Variants in FNDC3A observed in about 807,000 individuals in gnomAD.
The protein encoded by FNDC3A is fibronectin type III domain containing 3A, also known as fibronectin type-III domain-containing protein 3A.
FNDC3A carries 32 observed loss-of-function variants against 148.9 expected under a neutral mutation model. That is an observed-to-expected ratio of 0.21 (90% CI 0.16 to 0.29). FNDC3A has a LOEUF of 0.29. Among genes scored for constraint, FNDC3A ranks in the 10% least tolerant of loss-of-function variants. FNDC3A has a pLI of 1.00. For missense variants in FNDC3A, 1,191 were observed against 1,452.8 expected (o/e 0.82, Z 2.93); for synonymous variants, 472 against 473.6 (o/e 1.00, Z 0.04).
chr13:49,168,523 C>T, intron 9 of FNDC3A, 90 bp from the exon 10 acceptor site: 1 of 808,488 alleles, frequency 1.2e-6, no homozygotes, highest in Non-Finnish European at 1.8e-6. Context: ...TAGTGGACAC[C>T]TTCCTAATCT....
rs1453987293 is a variant in FNDC3A, at chr13:49,207,550, A to G, written c.*155A>G. Reference sequence around the variant, plus strand: ...ATTTTCAGTGCTTATATTGTTAGGTAGAGGCTGGCACTTTATTAGAATGCA... The same window carrying G: ...ATTTTCAGTGCTTATATTGTTAGGTGGAGGCTGGCACTTTATTAGAATGCA... On this transcript the variant is annotated 3_prime_UTR_variant, in exon 26 of 26. Coordinates refer to ENST00000492622, the MANE Select transcript of FNDC3A (RefSeq NM_001079673.2). 2 of 507,892 alleles carry G rather than the reference A, an allele frequency of 3.9e-6. No individual in the cohort carries two copies. Among genetic ancestry groups the G allele is most frequent in the Non-Finnish European group, 7.0e-6 (2 of 287,434 alleles). 31.5% of individuals were successfully genotyped at this position (507,892 alleles called of 1,614,324 possible). A position where few individuals can be genotyped will look rare whatever the true frequency, so the allele number is the denominator to read the frequency against.
chr13:49,104,863 G>A (rs187071225), intron 3 of FNDC3A, among the ~76,000 whole-genome samples: 26 of 152,188 alleles, frequency 1.7e-4, no homozygotes, highest in Admixed American at 1.6e-3. Context: ...TAAAGAGAGA[G>A]TATCTTCATG....
rs189235630 is a variant in FNDC3A at position 49,149,213 on chromosome 13, G to A, written c.977+3278G>A. Reference sequence around the variant, plus strand: ...ACCTTTTATTCCTTTCTCTTGGCTGGTTGCTCTGGCTAGGACTTCCAGTAC... The same window carrying A: ...ACCTTTTATTCCTTTCTCTTGGCTGATTGCTCTGGCTAGGACTTCCAGTAC... On this transcript the variant is annotated intron_variant, in intron 8 of 25. Transcript: ENST00000492622. Among the ~76,000 whole-genome samples, 420 of 149,714 alleles carry A rather than the reference G, an allele frequency of 2.8e-3. 1 individual carries two copies. Among genetic ancestry groups the A allele is most frequent in the Non-Finnish European group, 4.1e-3 (275 of 67,540 alleles).
At chr13:49,174,960 C>G (rs1028949935) in intron 12 of FNDC3A, among the ~76,000 whole-genome samples, 2 of 152,148 alleles carry the variant, frequency 1.3e-5, no homozygotes, top group African/African-American at 4.8e-5. Flanking sequence ...AGAGATAGCT[C>G]TGCTCACCTT....
intron 4 of FNDC3A, among the ~76,000 whole-genome samples, chr13:49,120,059 T>C (rs1881232706): frequency 6.6e-6 from 1 of 151,454 alleles, no homozygotes; most frequent in African/African-American, 2.4e-5. Flanking sequence ...AAGGTAGACA[T>C]GAAGGAAAAA....
chr13:49,119,336 C>G (rs1170506964), intron 4 of FNDC3A, among the ~76,000 whole-genome samples: 2 of 152,094 alleles, frequency 1.3e-5, no homozygotes, highest in Non-Finnish European at 2.9e-5. Context: ...CACAGAAACC[C>G]CATCCGAAGG....
At chr13:49,020,509 C>T (rs1454020074) in intron 2 of FNDC3A, among the ~76,000 whole-genome samples, 4 of 152,246 alleles carry the variant, frequency 2.6e-5, no homozygotes, top group South Asian at 2.1e-4. Flanking sequence ...TCATACTGCA[C>T]GTCCTTCACA....
At chr13:49,017,557 T>G (rs1872904477) in intron 2 of FNDC3A, among the ~76,000 whole-genome samples, 1 of 152,202 alleles carries the variant, frequency 6.6e-6, no homozygotes, top group Admixed American at 6.5e-5. Context: ...TTTTATCAAA[T>G]TTGCCAGTCT....
chr13:49,106,336 G>A (rs934832943), intron 3 of FNDC3A, among the ~76,000 whole-genome samples: 14 of 152,050 alleles, frequency 9.2e-5, no homozygotes, highest in African/African-American at 3.4e-4. Flanking sequence ...CTTTTGAGAT[G>A]GGGTCTCACT....
At chr13:49,205,195 T>C (rs1416812693) in intron 25 of FNDC3A, among the ~76,000 whole-genome samples, 2 of 152,194 alleles carry the variant, frequency 1.3e-5, no homozygotes, top group African/African-American at 4.8e-5. Context: ...TTCTTCCTCT[T>C]TGTACCAGAT....
chr13:49,168,499 C>A, intron 9 of FNDC3A, 114 bp from the exon 10 acceptor site: 2 of 607,840 alleles, frequency 3.3e-6, no homozygotes, highest in Non-Finnish European at 5.3e-6. Flanking sequence ...GTCATATTTT[C>A]TTGATAGAAC....
At chr13:49,125,929 A>C (rs60123316) in intron 4 of FNDC3A, among the ~76,000 whole-genome samples, 5,250 of 152,264 alleles carry the variant, frequency 0.034, 284 homozygotes, top group African/African-American at 0.11. Context: ...GACTATGCTA[A>C]TGCCTCATTT....
chr13:49,149,717 A>G (rs1883181528), intron 8 of FNDC3A, among the ~76,000 whole-genome samples: 1 of 152,190 alleles, frequency 6.6e-6, no homozygotes, highest in South Asian at 2.1e-4. Context: ...AGAATGAGTT[A>G]GAGAGAATTC....
intron 2 of FNDC3A, among the ~76,000 whole-genome samples, chr13:49,057,932 C>CT (rs1355909883): frequency 2.6e-5 from 4 of 152,026 alleles, no homozygotes; most frequent in African/African-American, 9.7e-5. Context: ...TGAATTGTAT[C>CT]TCCCCCCCAA....
chr13:49,011,326 C>T (rs149192457), intron 2 of FNDC3A, among the ~76,000 whole-genome samples: 2,824 of 151,958 alleles, frequency 0.019, 90 homozygotes, highest in African/African-American at 0.063. Flanking sequence ...CTCCGCCTCC[C>T]AGGTTCAAGT....
At chr13:49,192,933 C>T (rs1224811894) in intron 19 of FNDC3A, among the ~76,000 whole-genome samples, 1 of 152,132 alleles carries the variant, frequency 6.6e-6, no homozygotes, top group Non-Finnish European at 1.5e-5. Flanking sequence ...AAAATCCATT[C>T]AGCATGCTAG....
At chr13:49,081,880 A>G (rs1456704033) in intron 3 of FNDC3A, among the ~76,000 whole-genome samples, 1 of 152,028 alleles carries the variant, frequency 6.6e-6, no homozygotes, top group Non-Finnish European at 1.5e-5. Flanking sequence ...TGATCATCAG[A>G]CCGTTGCCAG....
At chr13:48,985,090 T>C (rs1250313337) in intron 1 of FNDC3A, among the ~76,000 whole-genome samples, 2 of 152,128 alleles carry the variant, frequency 1.3e-5, no homozygotes, top group African/African-American at 4.8e-5. Context: ...ACATCAAACT[T>C]AGATGCCATT....
At chr13:49,174,412 T>G (rs1183718679) in intron 11 of FNDC3A, 23 bp from the exon 12 acceptor site, 2 of 1,596,796 alleles carry the variant, frequency 1.3e-6, no homozygotes, top group Non-Finnish European at 1.7e-6. Flanking sequence ...ACATGGTATA[T>G]AATAATCAGC....
Sources: gnomAD v4.1 joint callset for allele counts (sites outside exome capture counted in the v4.1 genomes callset) on GRCh38, gnomAD v4.1.1 for gene constraint, MANE v1.5 for transcripts, NCBI Gene and HGNC (gene_info 2026-07-23, HGNC 2026-07-21) for gene names.